EHBP1: variants seen among roughly 807,000 people sequenced by gnomAD.
The protein encoded by EHBP1 is EH domain-binding protein 1.
EHBP1 carries 55 observed loss-of-function variants against 144.0 expected under a neutral mutation model. The ratio of observed to expected loss-of-function variants is 0.38; its 90% CI spans 0.31 to 0.48. The LOEUF (loss-of-function observed/expected upper bound fraction) is 0.48, where lower values mean the gene tolerates loss of function less well. Among genes scored for constraint, EHBP1 ranks in the 20% least tolerant of loss-of-function variants. The pLI is 0.98. For synonymous variants in EHBP1, 469 were observed against 472.7 expected (o/e 0.99, Z 0.10); for missense variants, 1,200 against 1,364.2 (o/e 0.88, Z 1.90).
rs1222104531 is a variant in EHBP1 at position 62,948,683 on chromosome 2, A to G, written c.1837A>G (p.Lys613Glu). The G allele has an allele frequency of 9.9e-6, 16 of 1,614,084 alleles. No homozygotes were observed. Among genetic ancestry groups the G allele is most frequent in the African/African-American group, 1.3e-5 (1 of 75,062 alleles). ...STASPYCRRT[K>E]SDTEPQKSQQ... is the part of the protein sequence containing the mutation. The stretch of plus-strand genomic sequence containing the variant: ...AGCCTCCCCTTACTGTCGCAGGACT[A>G]AAAGTGACACAGAACCCCAGAAGTC... Residue 613 changes from lysine to glutamate, a missense_variant, in exon 13 of 23, where the codon AAA (lysine) becomes GAA (glutamate). Coordinates refer to ENST00000431489, the MANE Select transcript of EHBP1 (RefSeq NM_001142616.3).
At position 62,892,584 on chromosome 2, in the gene EHBP1, A is replaced by C. The variant is rs544879848; in HGVS notation, c.1185+18052A>C. Among the ~76,000 whole-genome samples the C allele has an allele frequency of 1.1e-3, 161 of 152,190 alleles. 1 individual carries two copies. Among genetic ancestry groups the C allele is most frequent in the African/African-American group, 3.8e-3 (156 of 41,572 alleles). ...AAAAATTTGATCATGTGTTATTCTT[A>C]TTATATATTTCTTTAAAACTTGCTA... On this transcript the variant is annotated intron_variant, in intron 10 of 22. Coordinates refer to ENST00000431489, the MANE Select transcript of EHBP1 (RefSeq NM_001142616.3).
At chr2:62,949,287 C>T (rs2057253301) in intron 13 of EHBP1, 125 bp downstream of exon 13, 1 of 862,758 alleles carries the variant, frequency 1.2e-6, no homozygotes, top group Admixed American at 3.4e-5. Flanking sequence ...ATAAAAACTC[C>T]TGAGGCATGT....
intron 15 of EHBP1, among the ~76,000 whole-genome samples, chr2:62,982,612 A>G (rs920437401): frequency 2.0e-5 from 3 of 152,188 alleles, no homozygotes; most frequent in Admixed American, 1.3e-4. Context: ...TGTGAAAGGA[A>G]GAGAGAGAAA....
intron 1 of EHBP1, among the ~76,000 whole-genome samples, chr2:62,686,587 C>T (rs2033725727): frequency 6.6e-6 from 1 of 152,172 alleles, no homozygotes; most frequent in Non-Finnish European, 1.5e-5. Context: ...GATAAAAAGT[C>T]CCTTGTGTCA....
At chr2:62,840,554 C>G (rs1424941767) in intron 7 of EHBP1, among the ~76,000 whole-genome samples, 2 of 151,120 alleles carry the variant, frequency 1.3e-5, no homozygotes, top group Admixed American at 1.3e-4. Flanking sequence ...GAACAGGCAA[C>G]CTACAGAATG....
intron 16 of EHBP1, among the ~76,000 whole-genome samples, chr2:62,991,569 T>A (rs2059415383): frequency 6.6e-6 from 1 of 152,248 alleles, no homozygotes. Flanking sequence ...TATAAATGTT[T>A]AAGATAACTT....
intron 13 of EHBP1, among the ~76,000 whole-genome samples, chr2:62,954,664 AAT>A (rs1221147558): frequency 3.9e-5 from 6 of 152,224 alleles, no homozygotes. Context: ...GGTTTCACAT[AAT>A]ATGAAATAAA....
intron 5 of EHBP1, among the ~76,000 whole-genome samples, chr2:62,819,259 A>C (rs1326351192): frequency 1.3e-5 from 2 of 152,224 alleles, no homozygotes; most frequent in African/African-American, 4.8e-5. Flanking sequence ...AAAAAATCTA[A>C]AGAATGTGGG....
rs1266074825 is a variant in EHBP1 at position 62,864,798 on chromosome 2, C to T, written c.825C>T (p.Pro275=). 1 of 1,614,014 alleles carries T rather than the reference C, an allele frequency of 6.2e-7. No homozygotes were observed. The highest frequency in any genetic ancestry group is 8.5e-7 in the Non-Finnish European group (1 of 1,179,970). ...CTTTTTATAATAACAGCTATAATCC[C>T]TTTAAAGAGGTGCAGACTCCACAGT... ...EDSFYNNSYN[P]FKEVQTPQYL... is the part of the protein sequence containing the mutation. Residue 275 remains proline (P), a synonymous_variant, in exon 9 of 23, where the codon CCC becomes CCT. Transcript: ENST00000431489.
chr2:62,717,484 A>G (rs1345076865), intron 2 of EHBP1, among the ~76,000 whole-genome samples: 2 of 152,212 alleles, frequency 1.3e-5, no homozygotes, highest in Admixed American at 6.5e-5. Context: ...ACTTTTGCAC[A>G]TTTGTTAAAA....
intron 2 of EHBP1, among the ~76,000 whole-genome samples, chr2:62,734,943 C>T (rs2037976821): frequency 6.6e-6 from 1 of 152,166 alleles, no homozygotes; most frequent in African/African-American, 2.4e-5. Context: ...CTCTGTCACC[C>T]AGGCTGGAGT....
intron 10 of EHBP1, chr2:62,939,767 C>G (rs2056625127): frequency 6.3e-6 from 1 of 158,102 alleles, no homozygotes; most frequent in Admixed American, 6.5e-5. Flanking sequence ...TGCAAAGGCC[C>G]CAAGGTAGAA....
intron 10 of EHBP1, among the ~76,000 whole-genome samples, chr2:62,876,634 T>G (rs2050909741): frequency 6.6e-6 from 1 of 152,198 alleles, no homozygotes; most frequent in South Asian, 2.1e-4. Flanking sequence ...CTCACAGTTC[T>G]GCAGGCTGTA....
At position 62,826,164 on chromosome 2, in the gene EHBP1, T is replaced by C; in HGVS notation, c.390T>C (p.Thr130=). The C allele has an allele frequency of 6.2e-7, 1 of 1,610,918 alleles. No individual in the cohort carries two copies. The highest frequency in any genetic ancestry group is 8.5e-7 in the Non-Finnish European group (1 of 1,178,484). ...NMKQYASPMP[T]QTDVKLKFKP... ...AACAGTATGCAAGCCCTATGCCAAC[T>C]CAGACTGATGTCAAGTTAAAATTCA... is the stretch of plus-strand genomic sequence containing the variant. Residue 130 remains threonine, a synonymous_variant, in exon 6 of 23, where the codon ACT becomes ACC. Transcript: ENST00000431489.
intron 7 of EHBP1, among the ~76,000 whole-genome samples, chr2:62,858,774 C>T (rs1357743014): frequency 6.6e-6 from 1 of 152,160 alleles, no homozygotes; most frequent in Non-Finnish European, 1.5e-5. Flanking sequence ...GCTACTTCTT[C>T]AGTGTGTTTA....
At chr2:63,005,840 C>A (rs1398192516) in intron 19 of EHBP1, among the ~76,000 whole-genome samples, 1 of 152,012 alleles carries the variant, frequency 6.6e-6, no homozygotes, top group East Asian at 1.9e-4. Flanking sequence ...AACCATATAG[C>A]AAACCATCTA....
intron 6 of EHBP1, among the ~76,000 whole-genome samples, chr2:62,829,958 A>C (rs2152643847): frequency 6.6e-6 from 1 of 151,014 alleles, no homozygotes; most frequent in Non-Finnish European, 1.5e-5. Flanking sequence ...AAAAAGTAGA[A>C]CTACCGTCTG....
intron 19 of EHBP1, among the ~76,000 whole-genome samples, chr2:63,000,375 A>T (rs1186682528): frequency 2.0e-5 from 3 of 151,562 alleles, no homozygotes; most frequent in Non-Finnish European, 4.4e-5. Flanking sequence ...TGTGTATGTG[A>T]GTGTGTGTGT....
rs766650438 is a variant in EHBP1 at position 62,922,004 on chromosome 2, G to A, written c.1186-20714G>A. On this transcript the variant is annotated intron_variant, in intron 10 of 22. Transcript: ENST00000431489. ...AGCCTGGCCAAGATGGTGAAAACCC[G>A]TGTTTACTAAAACTGCAAAAATTAG... is the stretch of plus-strand genomic sequence containing the variant. Among the ~76,000 whole-genome samples the A allele has an allele frequency of 4.1e-4, 62 of 152,126 alleles. 1 individual carries two copies. The highest frequency in any genetic ancestry group is 8.8e-5 in the Non-Finnish European group (6 of 67,986).
Sources: allele counts gnomAD v4.1 joint callset (sites outside exome capture counted in the v4.1 genomes callset), GRCh38; gene constraint gnomAD v4.1.1; transcripts MANE v1.5; gene names NCBI Gene and HGNC (gene_info 2026-07-23, HGNC 2026-07-21).